The following BBX variants were observed in gnomAD, a reference collection of about 807,000 sequenced individuals.
The protein encoded by BBX is BBX high mobility group box domain containing, also known as HMG box transcription factor BBX.
BBX carries 30 observed loss-of-function variants against 100.2 expected under a neutral mutation model. The ratio of observed to expected loss-of-function variants is 0.30; its 90% CI spans 0.22 to 0.41. The LOEUF (loss-of-function observed/expected upper bound fraction) is 0.41, where lower values mean the gene tolerates loss of function less well. Among genes scored for constraint, BBX ranks in the 10% least tolerant of loss-of-function variants. The pLI is 1.00. For missense variants in BBX, 1,023 were observed against 1,129.8 expected (o/e 0.91, Z 1.35); for synonymous variants, 376 against 388.1 (o/e 0.97, Z 0.37).
chr3:107,751,674 T>C (rs1393902867), intron 9 of BBX, among the ~76,000 whole-genome samples: 2 of 152,208 alleles, frequency 1.3e-5, no homozygotes, highest in Non-Finnish European at 2.9e-5. Flanking sequence ...TATTTGTTTG[T>C]AGGTGCCTCA....
chr3:107,615,582 C>A (rs1242363390), intron 2 of BBX, among the ~76,000 whole-genome samples: 1 of 152,080 alleles, frequency 6.6e-6, no homozygotes. Flanking sequence ...AGGTTCAACT[C>A]CAAAAACCAT....
intron 2 of BBX, among the ~76,000 whole-genome samples, chr3:107,607,404 T>C (rs2054532223): frequency 6.6e-6 from 1 of 152,244 alleles, no homozygotes; most frequent in South Asian, 2.1e-4. Flanking sequence ...TTTTTAAGAC[T>C]GAATAGTATT....
chr3:107,763,149 T>G (rs2066035429), intron 10 of BBX, among the ~76,000 whole-genome samples: 1 of 152,124 alleles, frequency 6.6e-6, no homozygotes, highest in Non-Finnish European at 1.5e-5. Context: ...ACACTTCTGA[T>G]GCCAAGGTTT....
At chr3:107,650,398 C>T (rs2057772300) in intron 3 of BBX, among the ~76,000 whole-genome samples, 1 of 152,064 alleles carries the variant, frequency 6.6e-6, no homozygotes, top group Non-Finnish European at 1.5e-5. Context: ...CCCCCCACCT[C>T]CCCTACCATT....
intron 2 of BBX, among the ~76,000 whole-genome samples, chr3:107,535,968 A>G (rs1226197513): frequency 6.6e-6 from 1 of 152,244 alleles, no homozygotes; most frequent in East Asian, 1.9e-4. Context: ...TATAACATGC[A>G]TAATGTTATA....
intron 2 of BBX, among the ~76,000 whole-genome samples, chr3:107,580,044 C>A (rs886437133): frequency 6.6e-6 from 1 of 151,688 alleles, no homozygotes; most frequent in African/African-American, 2.4e-5. Context: ...AAGCTCATTG[C>A]AAATCAGCAC....
At chr3:107,669,143 G>C (rs1028505850) in intron 3 of BBX, among the ~76,000 whole-genome samples, 20 of 152,068 alleles carry the variant, frequency 1.3e-4, no homozygotes, top group Admixed American at 1.2e-3. Context: ...CTGAGGTAGA[G>C]GTACAATAAG....
At chr3:107,780,779 T>C (rs2067798787) in intron 13 of BBX, among the ~76,000 whole-genome samples, 1 of 152,096 alleles carries the variant, frequency 6.6e-6, no homozygotes, top group Non-Finnish European at 1.5e-5. Context: ...AAGTTATTAT[T>C]AATGAAATTA....
chr3:107,767,884 A>G (rs957662040), intron 10 of BBX, among the ~76,000 whole-genome samples: 5 of 151,980 alleles, frequency 3.3e-5, no homozygotes, highest in African/African-American at 9.7e-5. Flanking sequence ...AGACTGGGAG[A>G]TGGGAGAAAG....
intron 3 of BBX, among the ~76,000 whole-genome samples, chr3:107,708,846 A>G (rs1431305238): frequency 6.6e-6 from 1 of 152,188 alleles, no homozygotes; most frequent in Non-Finnish European, 1.5e-5. Context: ...TAGAATTAGA[A>G]CAATCGACAT....
In BBX at chr3:107,800,087, T is replaced by C. The variant is rs13089300; in HGVS notation, c.2552-1008T>C. On this transcript the variant is annotated intron_variant, in intron 16 of 17. Coordinates refer to ENST00000325805, the MANE Select transcript of BBX (RefSeq NM_001142568.3). Reference sequence around the variant, plus strand: ...TTGAATATTTAGATTGTTAGAAACATAGAGTATATTAAAGGCCCTGATTTT... The same window carrying C: ...TTGAATATTTAGATTGTTAGAAACACAGAGTATATTAAAGGCCCTGATTTT... 1.7e-4 allele frequency among the ~76,000 whole-genome samples: 26 copies of C among 152,202 alleles called. 1 individual carries two copies. The highest frequency in any genetic ancestry group is 1.6e-3 in the Admixed American group (24 of 15,288).
intron 2 of BBX, among the ~76,000 whole-genome samples, chr3:107,601,725 A>C (rs999573522): frequency 6.6e-6 from 1 of 152,262 alleles, no homozygotes; most frequent in Non-Finnish European, 1.5e-5. Flanking sequence ...GGAAGCAGCA[A>C]GTGCTGATGG....
chr3:107,681,010 G>A (rs1286169448), intron 3 of BBX, among the ~76,000 whole-genome samples: 1 of 152,132 alleles, frequency 6.6e-6, no homozygotes. Flanking sequence ...AGAGGGTATA[G>A]CGATTGACTC....
At chr3:107,560,889 AAGACC>A (rs1479401123) in intron 2 of BBX, among the ~76,000 whole-genome samples, 1 of 152,238 alleles carries the variant, frequency 6.6e-6, no homozygotes, top group Admixed American at 6.5e-5. Context: ...ATTAAGAAGG[AAGACC>A]AAATTAAAAG....
chr3:107,720,875 G>T (rs1312441015), intron 5 of BBX, among the ~76,000 whole-genome samples: 1 of 151,880 alleles, frequency 6.6e-6, no homozygotes, highest in African/African-American at 2.4e-5. Flanking sequence ...CTTATTTTGG[G>T]TTCATCAGAT....
chr3:107,725,783 G>A (rs947659913), intron 5 of BBX, among the ~76,000 whole-genome samples: 3 of 151,858 alleles, frequency 2.0e-5, no homozygotes, highest in African/African-American at 4.8e-5. Flanking sequence ...GGAACTATGT[G>A]TCTACTGCAA....
chr3:107,795,685 C>G (rs1414188897), intron 15 of BBX, among the ~76,000 whole-genome samples: 1 of 134,872 alleles, frequency 7.4e-6, no homozygotes, highest in Non-Finnish European at 1.5e-5. Flanking sequence ...TTACTTTCCT[C>G]CAATATACTG....
chr3:107,711,304 G>A (rs771114656), intron 4 of BBX: 20 of 470,940 alleles, frequency 4.2e-5, no homozygotes, highest in Non-Finnish European at 4.4e-6. Flanking sequence ...ATAAGAACAG[G>A]GGCCTTGCCT....
At chr3:107,526,525 G>A in intron 2 of BBX, 127 bp downstream of exon 2, 1 of 395,694 alleles carries the variant, frequency 2.5e-6, no homozygotes, top group Non-Finnish European at 4.4e-6. Context: ...GTCTCACTGA[G>A]TTTCCCACAG....
Sources: allele counts gnomAD v4.1 joint callset (sites outside exome capture counted in the v4.1 genomes callset), GRCh38; gene constraint gnomAD v4.1.1; transcripts MANE v1.5; gene names NCBI Gene and HGNC (gene_info 2026-07-23, HGNC 2026-07-21).